The following RBFOX1 variants were observed in gnomAD, a reference collection of about 807,000 sequenced individuals.
RBFOX1 encodes RNA binding protein fox-1 homolog 1.
In RBFOX1, 8 loss-of-function variants were observed where a neutral mutation model predicts 57.7. The ratio of observed to expected loss-of-function variants is 0.14; its 90% CI spans 0.08 to 0.25. RBFOX1 has a LOEUF of 0.25. RBFOX1 is among the 10% of genes least tolerant of loss of function. RBFOX1 has a pLI of 1.00. For missense variants in RBFOX1, 611 were observed against 548.5 expected (o/e 1.11, Z -1.14); for synonymous variants, 326 against 222.4 (o/e 1.47, Z -4.15).
At chr16:5,414,065 C>G (rs886731276) in intron 1 of RBFOX1, among the ~76,000 whole-genome samples, 7 of 152,186 alleles carry the variant, frequency 4.6e-5, no homozygotes, top group Non-Finnish European at 8.8e-5. Context: ...ATGGTGGCCT[C>G]TTCTTTGGGG....
intron 2 of RBFOX1, among the ~76,000 whole-genome samples, chr16:6,406,442 A>G (rs1257860874): frequency 6.6e-6 from 1 of 152,220 alleles, no homozygotes; most frequent in Non-Finnish European, 1.5e-5. Context: ...AACACTGAAG[A>G]GTTCTTTGCT....
At chr16:7,571,811 G>C (rs2092805241) in intron 5 of RBFOX1, among the ~76,000 whole-genome samples, 1 of 132,328 alleles carries the variant, frequency 7.6e-6, no homozygotes, top group Non-Finnish European at 1.7e-5. Flanking sequence ...CTGCGTCTCA[G>C]AGTTGTGCAT....
At chr16:6,688,989 A>G (rs866085529) in intron 3 of RBFOX1, among the ~76,000 whole-genome samples, 26 of 152,292 alleles carry the variant, frequency 1.7e-4, no homozygotes, top group South Asian at 2.1e-4. Flanking sequence ...ATGGCTGCAT[A>G]GTATTCCATG....
intron 3 of RBFOX1, among the ~76,000 whole-genome samples, chr16:5,857,314 C>G (rs558613132): frequency 1.2e-4 from 18 of 152,152 alleles, no homozygotes; most frequent in African/African-American, 3.9e-4. Context: ...GATCACTGAT[C>G]ACAGATAACT....
At chr16:7,002,965 A>C (rs941811901) in intron 3 of RBFOX1, among the ~76,000 whole-genome samples, 9 of 152,138 alleles carry the variant, frequency 5.9e-5, no homozygotes, top group African/African-American at 2.2e-4. Context: ...CGATGAGGTC[A>C]ACATTTTATT....
In RBFOX1 at chr16:7,526,163, T is replaced by G. The variant is rs565529134; in HGVS notation, c.270+7774T>G. ...TTGTGTGCTCCTTATGAGAATCTAA[T>G]GCTTGATTATCTGAGGTGCAACCAT... On this transcript the variant is annotated intron_variant, in intron 5 of 15. Coordinates refer to ENST00000550418, the MANE Select transcript of RBFOX1 (RefSeq NM_018723.4). 2.6e-5 allele frequency among the ~76,000 whole-genome samples: 4 copies of G among 152,318 alleles called. 1 individual carries two copies. Among genetic ancestry groups the G allele is most frequent in the African/African-American group, 9.6e-5 (4 of 41,580 alleles).
At chr16:5,239,790 A>G, upstream of RBFOX1, 7 of 642,800 alleles carry the variant, frequency 1.1e-5, no homozygotes, top group Non-Finnish European at 1.8e-5. Flanking sequence ...CGCCGCGCGG[A>G]CCCACCGAGC....
chr16:7,419,920 T>C (rs1446549522), intron 4 of RBFOX1, among the ~76,000 whole-genome samples: 1 of 121,290 alleles, frequency 8.2e-6, no homozygotes, highest in Non-Finnish European at 1.6e-5. Context: ...TTTCTTTCTT[T>C]CTTCCTTTTT....
At chr16:7,331,862 G>T (rs1378644523) in intron 4 of RBFOX1, among the ~76,000 whole-genome samples, 1 of 152,004 alleles carries the variant, frequency 6.6e-6, no homozygotes, top group Non-Finnish European at 1.5e-5. Context: ...GAATTTATCT[G>T]CTCCTATGTA....
intron 3 of RBFOX1, among the ~76,000 whole-genome samples, chr16:5,803,833 C>G (rs2055140634): frequency 6.6e-6 from 1 of 152,168 alleles, no homozygotes; most frequent in South Asian, 2.1e-4. Flanking sequence ...AATGTTGCTT[C>G]TTTCCTCTCC....
chr16:6,580,260 C>G (rs1402617465), intron 2 of RBFOX1, among the ~76,000 whole-genome samples: 5 of 152,246 alleles, frequency 3.3e-5, no homozygotes, highest in African/African-American at 1.2e-4. Context: ...CCCGGCCAGG[C>G]CTGTTCATCT....
At chr16:6,604,948 G>A (rs549507363) in intron 2 of RBFOX1, among the ~76,000 whole-genome samples, 5 of 151,812 alleles carry the variant, frequency 3.3e-5, no homozygotes, top group Admixed American at 2.0e-4. Context: ...CAGCCTGGGC[G>A]ACATGGCAAA....
At chr16:7,024,811 G>A (rs542108652) in intron 3 of RBFOX1, among the ~76,000 whole-genome samples, 1 of 152,194 alleles carries the variant, frequency 6.6e-6, no homozygotes, top group Non-Finnish European at 1.5e-5. Flanking sequence ...GGACCCTGTT[G>A]GATGTTAACC....
At chr16:5,830,978 C>G (rs1041012077) in intron 3 of RBFOX1, among the ~76,000 whole-genome samples, 1 of 151,984 alleles carries the variant, frequency 6.6e-6, no homozygotes, top group African/African-American at 2.4e-5. Flanking sequence ...CCCCCCCCAA[C>G]TCTGTTTTTT....
chr16:6,936,751 C>A (rs1251217581), intron 3 of RBFOX1, among the ~76,000 whole-genome samples: 1 of 151,958 alleles, frequency 6.6e-6, no homozygotes, highest in African/African-American at 2.4e-5. Flanking sequence ...TAATTCCATA[C>A]TGTATTGGTA....
chr16:5,814,883 T>C (rs1028309223), intron 3 of RBFOX1, among the ~76,000 whole-genome samples: 1 of 151,896 alleles, frequency 6.6e-6, no homozygotes, highest in African/African-American at 2.4e-5. Flanking sequence ...GAGCCGAGAT[T>C]GCGCCACTGC....
intron 3 of RBFOX1, among the ~76,000 whole-genome samples, chr16:5,659,658 T>C (rs2049581373): frequency 6.6e-6 from 1 of 152,166 alleles, no homozygotes; most frequent in African/African-American, 2.4e-5. Flanking sequence ...GGTTAGTGGA[T>C]AGGATTCAGG....
intron 2 of RBFOX1, among the ~76,000 whole-genome samples, chr16:6,480,642 A>G (rs1051451901): frequency 6.6e-6 from 1 of 152,216 alleles, no homozygotes; most frequent in African/African-American, 2.4e-5. Flanking sequence ...GTACATTCAC[A>G]AATATTTATA....
chr16:7,094,961 ACAT>A (rs1216565158), intron 4 of RBFOX1, among the ~76,000 whole-genome samples: 1 of 152,148 alleles, frequency 6.6e-6, no homozygotes, highest in African/African-American at 2.4e-5. Flanking sequence ...TCTATTGTAA[ACAT>A]CAGTGTAAAC....
Sources: gnomAD v4.1 joint callset for allele counts (sites outside exome capture counted in the v4.1 genomes callset) on GRCh38, gnomAD v4.1.1 for gene constraint, MANE v1.5 for transcripts, NCBI Gene and HGNC (gene_info 2026-07-23, HGNC 2026-07-21) for gene names.